Variants in ANO10 observed in about 807,000 individuals in gnomAD.
The protein encoded by ANO10 is anoctamin 10.
A neutral mutation model predicts 74.7 loss-of-function variants in ANO10; 77 were observed. The observed-to-expected ratio is 1.03, with a 90% CI of 0.86 to 1.25. The LOEUF (loss-of-function observed/expected upper bound fraction) is 1.25. ANO10 is among the 50% of genes most tolerant of loss of function. ANO10 has a pLI of 0.00. For synonymous variants in ANO10, 279 were observed against 284.9 expected (o/e 0.98, Z 0.21); for missense variants, 721 against 778.1 (o/e 0.93, Z 0.87).
At chr3:43,376,096 G>A (rs931961098) in intron 12 of ANO10, among the ~76,000 whole-genome samples, 3 of 152,192 alleles carry the variant, frequency 2.0e-5, no homozygotes, top group African/African-American at 7.2e-5. Context: ...GAGAGCTGCT[G>A]AAGAGCACCT....
At chr3:43,461,506 G>A (rs1417822984) in intron 11 of ANO10, among the ~76,000 whole-genome samples, 1 of 152,180 alleles carries the variant, frequency 6.6e-6, no homozygotes, top group African/African-American at 2.4e-5. Flanking sequence ...GTTCTGGGAG[G>A]GACCCAGTGG....
At chr3:43,683,015 TG>T (rs2084222258) in intron 1 of ANO10, among the ~76,000 whole-genome samples, 1 of 152,144 alleles carries the variant, frequency 6.6e-6, no homozygotes, top group Admixed American at 6.6e-5. Context: ...CTTTGAAAAC[TG>T]GCACAAGACA....
chr3:43,684,149 C>T (rs2084241761), intron 1 of ANO10, among the ~76,000 whole-genome samples: 1 of 152,090 alleles, frequency 6.6e-6, no homozygotes, highest in Admixed American at 6.6e-5. Context: ...AGGCAACCCA[C>T]AGAATGGGAG....
At chr3:43,530,730 T>A (rs2078428965) in intron 11 of ANO10, among the ~76,000 whole-genome samples, 1 of 152,216 alleles carries the variant, frequency 6.6e-6, no homozygotes, top group Non-Finnish European at 1.5e-5. Context: ...TGTTAATATC[T>A]TACTGTCTCT....
chr3:43,519,036 C>T (rs2077833798), intron 11 of ANO10, among the ~76,000 whole-genome samples: 1 of 152,082 alleles, frequency 6.6e-6, no homozygotes, highest in Non-Finnish European at 1.5e-5. Context: ...GCTCAGGGGG[C>T]ATCATGGAAC....
rs1553724533 is a variant in ANO10 at position 43,580,474 on chromosome 3, T to A, written c.473-2A>T. 6.2e-7 allele frequency: 1 copy of A among 1,613,422 alleles called. No individual in the cohort carries two copies. On this transcript the variant is annotated splice_acceptor_variant, in intron 4 of 12. Coordinates refer to ENST00000292246, the MANE Select transcript of ANO10 (RefSeq NM_018075.5). LOFTEE classifies it high-confidence loss of function. ...TGCCAGACGTGAGCAATCTTCTCACTGCACAGGGAAAATGTGCCAAACTGC... is the reference window on the plus strand; with the variant it reads ...TGCCAGACGTGAGCAATCTTCTCACAGCACAGGGAAAATGTGCCAAACTGC...
intron 12 of ANO10, among the ~76,000 whole-genome samples, chr3:43,380,211 T>C (rs1378183613): frequency 6.6e-6 from 1 of 151,978 alleles, no homozygotes; most frequent in Non-Finnish European, 1.5e-5. Flanking sequence ...CTAAGAATAA[T>C]TGGTGTTCTC....
chr3:43,459,643 G>A (rs1000728696), intron 11 of ANO10, among the ~76,000 whole-genome samples: 1 of 152,200 alleles, frequency 6.6e-6, no homozygotes, highest in African/African-American at 2.4e-5. Context: ...CACTGGCCCA[G>A]AGCTAGTGAG....
intron 4 of ANO10, among the ~76,000 whole-genome samples, chr3:43,586,081 A>C (rs1394168778): frequency 1.3e-5 from 2 of 152,176 alleles, no homozygotes; most frequent in Admixed American, 1.3e-4. Context: ...CAAGCACACA[A>C]AGGGCAAGGC....
intron 12 of ANO10, among the ~76,000 whole-genome samples, chr3:43,387,225 T>A (rs751031671): frequency 2.0e-5 from 3 of 152,188 alleles, no homozygotes; most frequent in Non-Finnish European, 4.4e-5. Flanking sequence ...TATCTGTGTA[T>A]CTAAACATAG....
intron 3 of ANO10, among the ~76,000 whole-genome samples, chr3:43,600,085 G>A (rs2082268947): frequency 6.6e-6 from 1 of 152,164 alleles, no homozygotes; most frequent in Admixed American, 6.5e-5. Context: ...CCTCTAATTT[G>A]TGTTCATCCA....
intron 8 of ANO10, 73 bp from the exon 9 acceptor site, chr3:43,561,475 ATAAAT>A (rs1195527833): frequency 2.2e-6 from 3 of 1,341,238 alleles, no homozygotes; most frequent in African/African-American, 2.9e-5. Context: ...TAAATTATAT[ATAAAT>A]TAAACTACAG....
At chr3:43,666,661 G>A in intron 1 of ANO10, among the ~76,000 whole-genome samples, 1 of 151,960 alleles carries the variant, frequency 6.6e-6, no homozygotes, top group East Asian at 1.9e-4. Context: ...AAAATAGATG[G>A]GTAATTTATA....
chr3:43,375,716 G>A (rs2091777523), intron 12 of ANO10, among the ~76,000 whole-genome samples: 1 of 152,090 alleles, frequency 6.6e-6, no homozygotes, highest in African/African-American at 2.4e-5. Context: ...CCTCAGGCAG[G>A]ACTCCCTGGA....
chr3:43,512,082 C>T (rs1282008006), intron 11 of ANO10, among the ~76,000 whole-genome samples: 1 of 151,134 alleles, frequency 6.6e-6, no homozygotes, highest in Non-Finnish European at 1.5e-5. Flanking sequence ...GTGGGAGCCC[C>T]GGATGTGGGG....
intron 1 of ANO10, among the ~76,000 whole-genome samples, chr3:43,687,699 A>AC (rs1210360627): frequency 1.3e-5 from 2 of 152,214 alleles, no homozygotes; most frequent in African/African-American, 4.8e-5. Flanking sequence ...TTAGTAGGTC[A>AC]CAAAAAGGAA....
chr3:43,653,342 TAAAG>T (rs1243991410), intron 1 of ANO10, among the ~76,000 whole-genome samples: 1 of 151,448 alleles, frequency 6.6e-6, no homozygotes, highest in Non-Finnish European at 1.5e-5. Context: ...AATGGATAGT[TAAAG>T]AAATGCCAAT....
chr3:43,647,153 ATGTGTGTGTG>A (rs57290936), intron 1 of ANO10, among the ~76,000 whole-genome samples: 139 of 141,888 alleles, frequency 9.8e-4, no homozygotes, highest in Non-Finnish European at 1.7e-3. Context: ...ATGTGTATAT[ATGTGTGTGTG>A]TGTGTGTGTG....
chr3:43,602,579 G>A (rs57790719), intron 2 of ANO10, among the ~76,000 whole-genome samples: 15,319 of 152,194 alleles, frequency 0.1, 1,253 homozygotes, highest in African/African-American at 0.22. Flanking sequence ...CAAGTGATCC[G>A]CCCGCCTTGG....
Sources: allele counts gnomAD v4.1 joint callset (sites outside exome capture counted in the v4.1 genomes callset), GRCh38; gene constraint gnomAD v4.1.1; transcripts MANE v1.5; gene names NCBI Gene and HGNC (gene_info 2026-07-23, HGNC 2026-07-21).